MAP1A: variants seen among roughly 807,000 people sequenced by gnomAD.
The protein encoded by MAP1A is microtubule-associated protein 1A.
Under a neutral mutation model 185.9 loss-of-function variants are expected in MAP1A, and 42 were observed. The ratio of observed to expected loss-of-function variants is 0.23; its 90% CI spans 0.18 to 0.29. The LOEUF (loss-of-function observed/expected upper bound fraction) is 0.29. MAP1A is among the 10% of genes least tolerant of loss of function. The pLI, the probability that MAP1A is intolerant of heterozygous loss-of-function variation, is 1.00. For missense variants in MAP1A, 2,995 were observed against 3,450.4 expected, an observed-to-expected ratio of 0.87 and a Z score of 3.31; for synonymous variants, 1,229 against 1,335.9, an observed-to-expected ratio of 0.92 and a Z score of 1.74.
Position 43,526,350 on chromosome 15 carries a change from G to C in MAP1A, c.4877G>C (p.Ser1626Thr). 6.2e-7 allele frequency: 1 copy of C among 1,614,214 alleles called. No homozygotes were observed. The highest frequency in any genetic ancestry group is 8.5e-7 in the Non-Finnish European group (1 of 1,180,036). ...EKTKALGLEE[S>T]LVQEGRAREQ... ...ACCAAAGCTCTGGGCCTGGAAGAGA[G>C]CCTAGTGCAGGAGGGCAGGGCCAGA... The change falls in exon 4 of 6, where the codon AGC (serine) becomes ACC (threonine). Residue 1626 changes from serine to threonine, a missense_variant. By Grantham distance (58) the Ser-to-Thr change is moderately conservative. Around this residue, in one of 3 missense-constraint regions of MAP1A, gnomAD observed 2,728 missense variants for 2,986.0 expected, o/e 0.91. Coordinates refer to ENST00000300231, the MANE Select transcript of MAP1A (RefSeq NM_002373.6). This position sits in a 1 kb window ranked among gnomAD's most constrained non-coding sequence, Gnocchi z 4.7.
chr15:43,525,397 G>C lies in MAP1A; in HGVS notation c.3924G>C (p.Ala1308=). The C allele has an allele frequency of 1.2e-6, 2 of 1,614,112 alleles. No individual in the cohort carries two copies. Among genetic ancestry groups the C allele is most frequent in the Non-Finnish European group, 1.7e-6 (2 of 1,180,048 alleles). The stretch of plus-strand genomic sequence containing the variant: ...GAAATGGGAAGTACTTACCTGGGGC[G>C]ATCACAAGCCCTGATGAACACATTC... The part of the protein sequence containing the change: ...PSGNGKYLPG[A]ITSPDEHILT... The change falls in exon 4 of 6, where the codon GCG becomes GCC. Residue 1308 remains alanine, a synonymous_variant. Coordinates refer to ENST00000300231, the MANE Select transcript of MAP1A (RefSeq NM_002373.6).
Position 43,524,448 on chromosome 15 carries a change from T to G in MAP1A, c.2975T>G (p.Val992Gly). ...ERCLSPDDST[V>G]KMASPPPSGP... ...TGCCTTAGCCCAGATGACAGCACAG[T>G]GAAGATGGCTTCTCCTCCACCATCT... Residue 992 changes from valine (V) to glycine (G), a missense_variant, in exon 4 of 6, where the codon GTG becomes GGG. This residue lies in a region of MAP1A where 2,728 missense variants were observed against 2,986.0 expected (regional missense o/e 0.91). Coordinates refer to ENST00000300231, the MANE Select transcript of MAP1A (RefSeq NM_002373.6). 6.2e-7 allele frequency: 1 copy of G among 1,614,118 alleles called. No individual in the cohort carries two copies. The highest frequency in any genetic ancestry group is 8.5e-7 in the Non-Finnish European group (1 of 1,180,012).
rs922820426 is a variant in MAP1A at position 43,530,910 on chromosome 15, G to C, written c.*686G>C. The C allele has an allele frequency of 5.9e-5, 9 of 152,868 alleles. No individual in the cohort carries two copies. Among genetic ancestry groups the C allele is most frequent in the African/African-American group, 1.7e-4 (7 of 41,414 alleles). 9.5% of individuals were successfully genotyped at this position (152,868 alleles called of 1,614,324 possible). On this transcript the variant is annotated 3_prime_UTR_variant, in exon 6 of 6. Coordinates refer to ENST00000300231, the MANE Select transcript of MAP1A (RefSeq NM_002373.6). The stretch of plus-strand genomic sequence containing the variant: ...TGCTTTATACCATTCACATCCCAGG[G>C]CTGTGTCCAGACAGCACAAAACGGC...
In MAP1A at chr15:43,525,299, C is replaced by A. The variant is rs373457540; in HGVS notation, c.3826C>A (p.Gln1276Lys). 3.7e-6 allele frequency: 6 copies of A among 1,614,072 alleles called. No individual in the cohort carries two copies. In the African/African-American group the frequency reaches 6.7e-5, roughly 18 times the overall value. ...PTDGTTRYSA[Q>K]TDITDDSLDR... Reference sequence around the variant, plus strand: ...AGATGGGACAACTCGATACTCTGCACAGACAGACATCACAGATGACAGCCT... The same window carrying A: ...AGATGGGACAACTCGATACTCTGCAAAGACAGACATCACAGATGACAGCCT... The change falls in exon 4 of 6, where the codon CAG (glutamine) becomes AAG (lysine). Residue 1276 changes from glutamine (Q) to lysine (K), a missense_variant. By Grantham distance (53) the Gln-to-Lys change is moderately conservative. This residue lies in a region of MAP1A where 2,728 missense variants were observed against 2,986.0 expected (regional missense o/e 0.91). Transcript: ENST00000300231.
At position 43,521,573 on chromosome 15, in the gene MAP1A, A is replaced by G; in HGVS notation, c.100A>G (p.Lys34Glu). 1 of 1,613,978 alleles carries G rather than the reference A, an allele frequency of 6.2e-7. No individual in the cohort carries two copies. The highest frequency in any genetic ancestry group is 1.3e-5 in the African/African-American group (1 of 75,010). Residue 34 changes from lysine to glutamate, a missense_variant, in exon 4 of 6, where the codon AAG becomes GAG. Around this residue, in one of 3 missense-constraint regions of MAP1A, gnomAD observed 264 missense variants for 435.3 expected, o/e 0.61. Coordinates refer to ENST00000300231, the MANE Select transcript of MAP1A (RefSeq NM_002373.6). This position sits in a 1 kb window ranked among gnomAD's most constrained non-coding sequence, Gnocchi z 4.6. ...LEPPTSGGFLKLSKPCCYIFP... is the reference protein window; with the variant it reads ...LEPPTSGGFLELSKPCCYIFP... ...GCCCCCCACCTCAGGGGGCTTCCTC[A>G]AGCTCTCCAAGCCTTGTTGCTACAT...
In MAP1A at chr15:43,529,317, C is replaced by G. The variant is rs2079361362; in HGVS notation, c.7844C>G (p.Pro2615Arg). 1 of 1,614,028 alleles carries G rather than the reference C, an allele frequency of 6.2e-7. No individual in the cohort carries two copies. The highest frequency in any genetic ancestry group is 8.5e-7 in the Non-Finnish European group (1 of 1,180,024). ...VGRRAPGKAK[P>R]ASPARRLDLR... ...CGCAGGGCCCCAGGCAAGGCCAAGC[C>G]AGCGTCCCCTGCACGGCGTCTGGAT... Residue 2615 changes from proline (P) to arginine (R), a missense_variant, in exon 4 of 6, where the codon CCA (proline) becomes CGA (arginine). By Grantham distance (103) the Pro-to-Arg change is moderately radical (BLOSUM62 -2). Around this residue, in one of 3 missense-constraint regions of MAP1A, gnomAD observed 2,728 missense variants for 2,986.0 expected, o/e 0.91. Coordinates refer to ENST00000300231, the MANE Select transcript of MAP1A (RefSeq NM_002373.6). The surrounding 1 kb of genome is among the most constrained non-coding windows in gnomAD (Gnocchi z 4.3).
Position 43,528,083 on chromosome 15 carries a change from C to G in MAP1A, c.6610C>G (p.Leu2204Val), listed in dbSNP as rs375172651. The G allele has an allele frequency of 2.0e-5, 32 of 1,614,058 alleles. No individual in the cohort carries two copies. Among genetic ancestry groups the G allele is most frequent in the Non-Finnish European group, 2.5e-5 (30 of 1,180,024 alleles). ...CTTCTCTGGGGATCGAGCTCTGGCT[C>G]TGGCTCCAGGACCCCCCACCAGAAC... ...LAFSGDRALA[L>V]APGPPTRTRH... Residue 2204 changes from leucine (L) to valine (V), a missense_variant, in exon 4 of 6, where the codon CTG (leucine) becomes GTG (valine). Physicochemically the swap from Leu to Val is conservative, Grantham distance 32. Coordinates refer to ENST00000300231, the MANE Select transcript of MAP1A (RefSeq NM_002373.6).
upstream of MAP1A, among the ~76,000 whole-genome samples, chr15:43,514,083 T>C (rs2079290636): frequency 6.6e-6 from 1 of 152,194 alleles, no homozygotes; most frequent in African/African-American, 2.4e-5. Context: ...AGAGAGAACA[T>C]AGTTATTCTC....
At chr15:43,514,204 G>C (rs1214524295), upstream of MAP1A, among the ~76,000 whole-genome samples, 1 of 152,202 alleles carries the variant, frequency 6.6e-6, no homozygotes, top group Admixed American at 6.5e-5. Context: ...CCCTAGATCA[G>C]AGCTTACTTT....
Position 43,525,362 on chromosome 15 carries a change from A to G in MAP1A, c.3889A>G (p.Thr1297Ala), listed in dbSNP as rs775736020. The part of the protein sequence containing the change: ...KSPASSFSHS[T>A]PSGNGKYLPG... ...ACCTGCCAGCTCATTCTCTCACTCTACACCTTCAGGAAATGGGAAGTACTT... is the reference window on the plus strand; with the variant it reads ...ACCTGCCAGCTCATTCTCTCACTCTGCACCTTCAGGAAATGGGAAGTACTT... Residue 1297 changes from threonine (T) to alanine (A), a missense_variant, in exon 4 of 6, where the codon ACA becomes GCA. Thr to Ala is a moderately conservative substitution (Grantham distance 58). Around this residue, in one of 3 missense-constraint regions of MAP1A, gnomAD observed 2,728 missense variants for 2,986.0 expected, o/e 0.91. Transcript: ENST00000300231. 1.2e-6 allele frequency: 2 copies of G among 1,613,902 alleles called. No individual in the cohort carries two copies. Among genetic ancestry groups the G allele is most frequent in the East Asian group, 4.5e-5 (2 of 44,904 alleles).
At chr15:43,513,487 T>C (rs1215231411), upstream of MAP1A, among the ~76,000 whole-genome samples, 1 of 152,246 alleles carries the variant, frequency 6.6e-6, no homozygotes, top group Admixed American at 6.5e-5. Context: ...TAATTCTCAA[T>C]TACTCAGTAT....
rs2079362619 is a variant in MAP1A, at chr15:43,529,532, A to G, written c.8035+24A>G. ...AAGTAAGTATATCATGAAACTTGGC[A>G]GAGAGTGTGGGTTAGGGCTGGGTGT... On this transcript the variant is annotated intron_variant, in intron 4 of 5. Transcript: ENST00000300231. This position sits in a 1 kb window ranked among gnomAD's most constrained non-coding sequence, Gnocchi z 4.3. 6.2e-7 allele frequency: 1 copy of G among 1,600,074 alleles called. No individual in the cohort carries two copies. Among genetic ancestry groups the G allele is most frequent in the African/African-American group, 1.3e-5 (1 of 74,726 alleles).
upstream of MAP1A, among the ~76,000 whole-genome samples, chr15:43,514,428 G>T (rs894935087): frequency 2.0e-5 from 3 of 152,190 alleles, no homozygotes; most frequent in Non-Finnish European, 4.4e-5. Context: ...TAGTGAGGAC[G>T]CAAAGGGGAC....
chr15:43,527,667 G>A lies in MAP1A; in HGVS notation c.6194G>A (p.Arg2065His), dbSNP rs765893818. ...CTCACCCCACCTGCAGTTCCCCCCC[G>A]TGCTCCTATCCTGAGCAAAGGCCCA... ...PSLTPPAVPP[R>H]APILSKGPSP... Residue 2065 changes from arginine to histidine, a missense_variant, in exon 4 of 6, where the codon CGT (arginine) becomes CAT (histidine). Arg to His is a conservative substitution (Grantham distance 29). Around this residue, in one of 3 missense-constraint regions of MAP1A, gnomAD observed 2,728 missense variants for 2,986.0 expected, o/e 0.91. Coordinates refer to ENST00000300231, the MANE Select transcript of MAP1A (RefSeq NM_002373.6). The A allele has an allele frequency of 4.0e-5, 64 of 1,583,710 alleles. No homozygotes were observed. Among genetic ancestry groups the A allele is most frequent in the Admixed American group, 2.9e-4 (16 of 56,130 alleles).
rs2079352622 is a variant in MAP1A, at chr15:43,527,857, T to G, written c.6384T>G (p.Pro2128=). 1.2e-6 allele frequency: 2 copies of G among 1,613,984 alleles called. No homozygotes were observed. Among genetic ancestry groups the G allele is most frequent in the Admixed American group, 1.7e-5 (1 of 60,010 alleles). The change falls in exon 4 of 6, where the codon CCT becomes CCG. Residue 2128 remains proline, a synonymous_variant. Transcript: ENST00000300231. ...PEKEAQSPSP[P]HPIPMGSPTL... is the part of the protein sequence containing the mutation. Reference sequence around the variant, plus strand: ...AAGAGGCCCAATCCCCAAGTCCTCCTCACCCCATTCCTATGGGGTCCCCCA... The same window carrying G: ...AAGAGGCCCAATCCCCAAGTCCTCCGCACCCCATTCCTATGGGGTCCCCCA...
rs928990894 is a variant in MAP1A, at chr15:43,529,327, T to A, written c.7854T>A (p.Pro2618=). The A allele has an allele frequency of 2.2e-5, 35 of 1,613,896 alleles. No individual in the cohort carries two copies. The highest frequency in any genetic ancestry group is 3.0e-5 in the Non-Finnish European group (35 of 1,180,022). ...RAPGKAKPAS[P]ARRLDLRGKR... is the part of the protein sequence containing the mutation. ...CAGGCAAGGCCAAGCCAGCGTCCCC[T>A]GCACGGCGTCTGGATCTTCGGGGAA... is the stretch of plus-strand genomic sequence containing the variant. The change falls in exon 4 of 6, where the codon CCT becomes CCA. Residue 2618 remains proline, a synonymous_variant. Coordinates refer to ENST00000300231, the MANE Select transcript of MAP1A (RefSeq NM_002373.6). The surrounding 1 kb of genome is among the most constrained non-coding windows in gnomAD (Gnocchi z 4.3).
Position 43,524,972 on chromosome 15 carries a change from G to A in MAP1A, c.3499G>A (p.Glu1167Lys). The change falls in exon 4 of 6, where the codon GAG becomes AAG. Residue 1167 changes from glutamate (E) to lysine (K), a missense_variant. By Grantham distance (56) the Glu-to-Lys change is moderately conservative. Coordinates refer to ENST00000300231, the MANE Select transcript of MAP1A (RefSeq NM_002373.6). ...SVPSPDTANQ[E>K]PTPKSPCGLT... ...GCCCTCCCCAGACACTGCCAACCAA[G>A]AGCCTACCCCCAAGTCTCCCTGTGG... The A allele has an allele frequency of 1.2e-6, 2 of 1,614,126 alleles. No individual in the cohort carries two copies. The highest frequency in any genetic ancestry group is 1.7e-6 in the Non-Finnish European group (2 of 1,180,026).
chr15:43,526,630 A>G lies in MAP1A; in HGVS notation c.5157A>G (p.Pro1719=). Residue 1719 remains proline, a synonymous_variant, in exon 4 of 6, where the codon CCA becomes CCG. Coordinates refer to ENST00000300231, the MANE Select transcript of MAP1A (RefSeq NM_002373.6). The surrounding 1 kb of genome is among the most constrained non-coding windows in gnomAD (Gnocchi z 4.7). The part of the protein sequence containing the change: ...PHELDGQGAR[P]HYTEERESTF... Reference sequence around the variant, plus strand: ...AGCTGGATGGCCAGGGGGCCCGCCCACACTACACTGAGGAACGGGAAAGCA... The same window carrying G: ...AGCTGGATGGCCAGGGGGCCCGCCCGCACTACACTGAGGAACGGGAAAGCA... 6.2e-7 allele frequency: 1 copy of G among 1,614,126 alleles called. No individual in the cohort carries two copies. The highest frequency in any genetic ancestry group is 2.2e-5 in the East Asian group (1 of 44,888).
rs759283213 is a variant in MAP1A at position 43,527,803 on chromosome 15, G to T, written c.6330G>T (p.Leu2110=). 1.2e-6 allele frequency: 2 copies of T among 1,613,748 alleles called. No homozygotes were observed. Among genetic ancestry groups the T allele is most frequent in the Non-Finnish European group, 1.7e-6 (2 of 1,179,904 alleles). Residue 2110 remains leucine, a synonymous_variant, in exon 4 of 6, where the codon CTG becomes CTT. Transcript: ENST00000300231. ...ATGACAGCACTAGTGACTCAGAACT[G>T]GAGAAGGGGGCTCGGGAACAGCCAG... ...HWDDSTSDSE[L]EKGAREQPEK...
Sources: gnomAD v4.1 joint callset for allele counts (sites outside exome capture counted in the v4.1 genomes callset) on GRCh38, gnomAD v4.1.1 for gene constraint, gnomAD v4.1.1 regional missense constraint, Gnocchi (gnomAD v3.1) non-coding constraint, MANE v1.5 for transcripts, NCBI Gene and HGNC (gene_info 2026-07-23, HGNC 2026-07-21) for gene names.